Variants in DGLUCY observed in about 807,000 individuals in gnomAD.
DGLUCY encodes D-glutamate cyclase.
Under a neutral mutation model 58.5 loss-of-function variants are expected in DGLUCY, and 58 were observed. That is an observed-to-expected ratio of 0.99 (90% CI 0.80 to 1.23). The LOEUF (loss-of-function observed/expected upper bound fraction) is 1.23, where lower values mean the gene tolerates loss of function less well. Ranked by LOEUF, DGLUCY falls within the 50% of genes most tolerant of loss-of-function variation. The pLI is 0.00. For missense variants in DGLUCY, 779 were observed against 784.7 expected (o/e 0.99, Z 0.09); for synonymous variants, 325 against 314.1 (o/e 1.03, Z -0.37).
intron 1 of DGLUCY, among the ~76,000 whole-genome samples, chr14:91,089,887 A>G (rs566548490): frequency 6.6e-6 from 1 of 152,064 alleles, no homozygotes; most frequent in African/African-American, 2.4e-5. Context: ...TAAAATTTTT[A>G]TAAAGAAAAT....
intron 1 of DGLUCY, among the ~76,000 whole-genome samples, chr14:91,084,820 T>C (rs2044184824): frequency 6.6e-6 from 1 of 152,224 alleles, no homozygotes; most frequent in African/African-American, 2.4e-5. Flanking sequence ...TTCTCCTGCC[T>C]GCACTTCCGT....
chr14:91,208,357 G>GAC (rs1885101867), intron 12 of DGLUCY, among the ~76,000 whole-genome samples: 1 of 152,080 alleles, frequency 6.6e-6, no homozygotes, highest in Non-Finnish European at 1.5e-5. Context: ...ATATCAGTTT[G>GAC]CTCAAAATAA....
At chr14:91,157,119 G>GTGGATGGATGGATGGA (rs57118948) in intron 1 of DGLUCY, among the ~76,000 whole-genome samples, 28 of 131,164 alleles carry the variant, frequency 2.1e-4, no homozygotes, top group African/African-American at 5.1e-4. Flanking sequence ...GGATGGATGG[G>GTGGATGGATGGATGGA]TGGATGGATG....
intron 1 of DGLUCY, among the ~76,000 whole-genome samples, chr14:91,097,148 G>A (rs1470142344): frequency 6.6e-6 from 1 of 152,216 alleles, no homozygotes; most frequent in African/African-American, 2.4e-5. Context: ...TGTAATCCCA[G>A]CACTTTAGGA....
chr14:91,156,374 G>A (rs1280866306), intron 1 of DGLUCY, among the ~76,000 whole-genome samples: 3 of 152,184 alleles, frequency 2.0e-5, no homozygotes, highest in East Asian at 3.9e-4. Flanking sequence ...TTGGCCTCCC[G>A]AAGTGCCGGG....
intron 6 of DGLUCY, 167 bp from the exon 7 acceptor site, chr14:91,175,767 G>A: frequency 1.5e-6 from 1 of 658,074 alleles, no homozygotes; most frequent in South Asian, 1.8e-5. Flanking sequence ...AGTAGCCTGA[G>A]TTGTCAAAGC....
intron 1 of DGLUCY, among the ~76,000 whole-genome samples, chr14:91,121,568 C>T (rs1475219046): frequency 6.6e-6 from 1 of 150,774 alleles, no homozygotes; most frequent in Non-Finnish European, 1.5e-5. Flanking sequence ...GATCGCGCCA[C>T]TGCACTCCAG....
chr14:91,162,422 A>G (rs1017091961), intron 3 of DGLUCY, among the ~76,000 whole-genome samples: 2 of 152,278 alleles, frequency 1.3e-5, no homozygotes, highest in East Asian at 3.9e-4. Flanking sequence ...ACATTAGACC[A>G]TAAAGTATCC....
rs779219690 is a variant in DGLUCY at position 91,160,365 on chromosome 14, C to A, written c.71C>A (p.Pro24Gln). Residue 24 changes from proline (P) to glutamine (Q), a missense_variant, in exon 3 of 14, where the codon CCA becomes CAA. Coordinates refer to ENST00000256324, the MANE Select transcript of DGLUCY (RefSeq NM_001102368.3). ...AIRSLILQKK[P>Q]NIRNTSSMAG... ...AGGAGTTTGATTCTACAAAAGAAAC[C>A]AAACATCAGAAATACATCCAGCATG... 1.3e-6 allele frequency: 2 copies of A among 1,581,816 alleles called. No homozygotes were observed. Among genetic ancestry groups the A allele is most frequent in the East Asian group, 4.7e-5 (2 of 42,878 alleles).
intron 1 of DGLUCY, among the ~76,000 whole-genome samples, chr14:91,077,230 G>GGCAA (rs955132538): frequency 6.6e-6 from 1 of 150,916 alleles, no homozygotes; most frequent in Non-Finnish European, 1.5e-5. Flanking sequence ...GTCAGAGCAA[G>GGCAA]GCAAGCAAGC....
intron 4 of DGLUCY, 66 bp downstream of exon 4, chr14:91,167,444 T>G: frequency 1.4e-5 from 22 of 1,592,922 alleles, no homozygotes; most frequent in East Asian, 2.2e-5. Context: ...CAGGTGTCTC[T>G]GTCATCCGGG....
intron 3 of DGLUCY, among the ~76,000 whole-genome samples, chr14:91,160,835 G>A (rs1046433913): frequency 1.3e-5 from 2 of 152,108 alleles, no homozygotes; most frequent in East Asian, 1.9e-4. Flanking sequence ...GATACTGAAG[G>A]CTCTAAAAGG....
chr14:91,176,436 G>C lies in DGLUCY; in HGVS notation c.730+380G>C, dbSNP rs148079690. Among the ~76,000 whole-genome samples the C allele has an allele frequency of 2.8e-3, 428 of 152,154 alleles. 14 individuals carry two copies. The East Asian group carries it at 0.076, about 27-fold the overall frequency. The stretch of plus-strand genomic sequence containing the variant: ...AGACGGGGTTTCACCATGTTGGCCA[G>C]GATGGTCTCAATCTCCTGACCTCGT... On this transcript the variant is annotated intron_variant, in intron 7 of 13. Coordinates refer to ENST00000256324, the MANE Select transcript of DGLUCY (RefSeq NM_001102368.3).
intron 1 of DGLUCY, among the ~76,000 whole-genome samples, chr14:91,071,627 T>C (rs2043920733): frequency 6.6e-6 from 1 of 152,098 alleles, no homozygotes; most frequent in South Asian, 2.1e-4. Flanking sequence ...CCCAGCACTT[T>C]GGGAGGCCAA....
chr14:91,139,342 T>G (rs1339292792), intron 1 of DGLUCY, among the ~76,000 whole-genome samples: 2 of 152,156 alleles, frequency 1.3e-5, no homozygotes, highest in African/African-American at 4.8e-5. Flanking sequence ...TTACTCAGTC[T>G]ACTGATTCAA....
chr14:91,141,102 C>G (rs1225484210), intron 1 of DGLUCY, among the ~76,000 whole-genome samples: 1 of 151,996 alleles, frequency 6.6e-6, no homozygotes, highest in Non-Finnish European at 1.5e-5. Context: ...GAATAGTTAT[C>G]AGGCTGGGCA....
chr14:91,173,532 C>T (rs1469673135), intron 6 of DGLUCY, 93 bp downstream of exon 6: 4 of 1,427,942 alleles, frequency 2.8e-6, no homozygotes, highest in Non-Finnish European at 2.8e-6. Context: ...CCCCTGTTCA[C>T]ATCGGCGACC....
intron 9 of DGLUCY, 114 bp from the exon 10 acceptor site, chr14:91,196,261 A>T (rs1292934773): frequency 2.7e-6 from 2 of 745,726 alleles, no homozygotes; most frequent in Admixed American, 2.3e-5. Context: ...CTACAGATAG[A>T]TGTTGTTCAA....
chr14:91,115,945 C>T (rs1232100485), intron 1 of DGLUCY, among the ~76,000 whole-genome samples: 2 of 152,192 alleles, frequency 1.3e-5, no homozygotes, highest in Admixed American at 1.3e-4. Flanking sequence ...CTTGACCCAC[C>T]CCAAAACTTC....
Sources: allele counts gnomAD v4.1 joint callset (sites outside exome capture counted in the v4.1 genomes callset), GRCh38; gene constraint gnomAD v4.1.1; transcripts MANE v1.5; gene names NCBI Gene and HGNC (gene_info 2026-07-23, HGNC 2026-07-21).